GRM1: variants seen among roughly 807,000 people sequenced by gnomAD.
The protein encoded by GRM1 is metabotropic glutamate receptor 1.
A neutral mutation model predicts 90.9 loss-of-function variants in GRM1; 33 were observed. That is an observed-to-expected ratio of 0.36 (90% confidence interval 0.28 to 0.49). GRM1 has a LOEUF of 0.49. Among genes scored for constraint, GRM1 ranks in the 20% least tolerant of loss-of-function variants. The pLI is 0.99. For missense variants in GRM1, 1,190 were observed against 1,534.3 expected (o/e 0.78, Z 3.75); for synonymous variants, 700 against 613.2 (o/e 1.14, Z -2.09).
intron 1 of GRM1, among the ~76,000 whole-genome samples, chr6:146,115,076 A>G (rs1048525826): frequency 5.9e-5 from 9 of 152,138 alleles, no homozygotes; most frequent in Non-Finnish European, 1.2e-4. Flanking sequence ...TTTGAGAGAG[A>G]AAACTGAGTA....
At position 146,140,091 on chromosome 6, in the gene GRM1, T is replaced by C. The variant is rs1443642389; in HGVS notation, c.701-19257T>C. Among the ~76,000 whole-genome samples the C allele has an allele frequency of 1.1e-3, 9 of 7,928 alleles. No individual in the cohort carries two copies. The East Asian group carries it at 0.019, about 17-fold the overall frequency. 5.2% of individuals were successfully genotyped at this position (7,928 alleles called of 152,430 possible). A position where few individuals can be genotyped will look rare whatever the true frequency, so the allele number is the denominator to read the frequency against. ...TCTTCTTTTCTCCTTTCTTTCTTTA[T>C]TCTTTCTTTCTTTCTTTCTTTCTTT... On this transcript the variant is annotated intron_variant, in intron 1 of 7. Transcript: ENST00000282753.
intron 2 of GRM1, among the ~76,000 whole-genome samples, chr6:146,163,880 TA>T (rs1475531072): frequency 6.6e-6 from 1 of 152,168 alleles, no homozygotes; most frequent in Admixed American, 6.5e-5. Context: ...CATTAACGGA[TA>T]ACTCATTTAA....
chr6:146,270,900 TCTTTCTTTCTTTCTTCCTTC>T (rs1300794484), intron 2 of GRM1, among the ~76,000 whole-genome samples: 71 of 115,254 alleles, frequency 6.2e-4, no homozygotes, highest in Middle Eastern at 3.8e-3. Context: ...TTTCTTTCTT[TCTTTCTTTCTTTCTTCCTTC>T]CTTCCTTCCT....
At chr6:146,182,631 C>T (rs1014607242) in intron 2 of GRM1, among the ~76,000 whole-genome samples, 17 of 152,118 alleles carry the variant, frequency 1.1e-4, no homozygotes, top group African/African-American at 4.1e-4. Context: ...AGTACATTCT[C>T]ACAAAGACTT....
At chr6:146,348,057 A>C (rs942865631) in intron 3 of GRM1, among the ~76,000 whole-genome samples, 1 of 152,254 alleles carries the variant, frequency 6.6e-6, no homozygotes, top group Admixed American at 6.5e-5. Context: ...TCCATTTAGC[A>C]TATTACAAAA....
intron 7 of GRM1, among the ~76,000 whole-genome samples, chr6:146,425,015 GT>G (rs1371874930): frequency 6.6e-6 from 1 of 152,060 alleles, no homozygotes; most frequent in Non-Finnish European, 1.5e-5. Context: ...AACAGTGTCT[GT>G]TTTTCTAATT....
At chr6:146,117,755 C>A (rs981059040) in intron 1 of GRM1, among the ~76,000 whole-genome samples, 1 of 151,776 alleles carries the variant, frequency 6.6e-6, no homozygotes, top group Non-Finnish European at 1.5e-5. Context: ...CTTTATAAGA[C>A]CCCCCCATTT....
chr6:146,290,972 C>T (rs1470818670), intron 2 of GRM1, among the ~76,000 whole-genome samples: 4 of 151,986 alleles, frequency 2.6e-5, no homozygotes, highest in African/African-American at 7.2e-5. Flanking sequence ...GTGGTAGGCA[C>T]AATAATGACC....
chr6:146,106,459 C>T (rs530522542), intron 1 of GRM1, among the ~76,000 whole-genome samples: 9 of 152,296 alleles, frequency 5.9e-5, no homozygotes, highest in South Asian at 4.1e-4. Flanking sequence ...CTGCGGCCTT[C>T]AGAGTTTATT....
intron 1 of GRM1, among the ~76,000 whole-genome samples, chr6:146,136,490 CTT>C (rs1776625878): frequency 6.6e-6 from 1 of 152,162 alleles, no homozygotes; most frequent in African/African-American, 2.4e-5. Context: ...GGTGAGATCT[CTT>C]TGTAGTTTTG....
At chr6:146,401,719 C>A (rs1034496395) in intron 7 of GRM1, among the ~76,000 whole-genome samples, 2 of 152,156 alleles carry the variant, frequency 1.3e-5, no homozygotes, top group East Asian at 3.9e-4. Context: ...AGTTTTTCTT[C>A]TAACCATTTA....
chr6:146,276,479 T>C (rs1329191085), intron 2 of GRM1, among the ~76,000 whole-genome samples: 2 of 152,168 alleles, frequency 1.3e-5, no homozygotes, highest in East Asian at 3.9e-4. Context: ...GTTGTTATTA[T>C]AGAACATAAT....
At chr6:146,299,455 T>C (rs1380000397) in intron 2 of GRM1, among the ~76,000 whole-genome samples, 1 of 152,154 alleles carries the variant, frequency 6.6e-6, no homozygotes, top group Admixed American at 6.5e-5. Context: ...TTTGCTTTTA[T>C]GGTTTGTTAG....
chr6:146,317,546 C>T (rs1784019927), intron 3 of GRM1, among the ~76,000 whole-genome samples: 1 of 152,010 alleles, frequency 6.6e-6, no homozygotes, highest in Admixed American at 6.6e-5. Flanking sequence ...GTACCAATTT[C>T]TGTATTTGTC....
intron 3 of GRM1, among the ~76,000 whole-genome samples, chr6:146,317,964 G>A (rs1043878009): frequency 6.6e-6 from 1 of 152,172 alleles, no homozygotes; most frequent in Admixed American, 6.5e-5. Flanking sequence ...TTATTCATAA[G>A]AGGGCAAATC....
At chr6:146,166,132 A>C (rs1562504053) in intron 2 of GRM1, among the ~76,000 whole-genome samples, 1 of 152,132 alleles carries the variant, frequency 6.6e-6, no homozygotes, top group Admixed American at 6.6e-5. Context: ...AATTTATCTT[A>C]ACATGTTCTT....
intron 2 of GRM1, among the ~76,000 whole-genome samples, chr6:146,196,956 A>G (rs927382760): frequency 6.6e-6 from 1 of 152,214 alleles, no homozygotes; most frequent in African/African-American, 2.4e-5. Flanking sequence ...AGCATTCTCT[A>G]CCCTTGAGAA....
At chr6:146,284,475 T>A (rs1256029352) in intron 2 of GRM1, among the ~76,000 whole-genome samples, 1 of 152,214 alleles carries the variant, frequency 6.6e-6, no homozygotes, top group African/African-American at 2.4e-5. Flanking sequence ...CTTTTAAGAT[T>A]CACTTCTGTG....
At chr6:146,360,063 G>A (rs548024643) in intron 5 of GRM1, among the ~76,000 whole-genome samples, 1 of 152,218 alleles carries the variant, frequency 6.6e-6, no homozygotes, top group East Asian at 1.9e-4. Context: ...CCAGGCCCAG[G>A]ATGCATACAG....
Sources: allele counts gnomAD v4.1 joint callset (sites outside exome capture counted in the v4.1 genomes callset), GRCh38; gene constraint gnomAD v4.1.1; transcripts MANE v1.5; gene names NCBI Gene and HGNC (gene_info 2026-07-23, HGNC 2026-07-21).